RAP1GAP2: variants seen among roughly 807,000 people sequenced by gnomAD.
RAP1GAP2 encodes the protein rap1 GTPase-activating protein 2.
RAP1GAP2 carries 27 observed loss-of-function variants against 95.0 expected under a neutral mutation model. The observed-to-expected ratio is 0.28, with a 90% CI of 0.21 to 0.39. The LOEUF is 0.39. Among genes scored for constraint, RAP1GAP2 ranks in the 10% least tolerant of loss-of-function variants. RAP1GAP2 has a pLI of 1.00. For missense variants in RAP1GAP2, 771 were observed against 970.0 expected (o/e 0.79, Z 2.72); for synonymous variants, 373 against 380.9 (o/e 0.98, Z 0.24).
rs912727486 is a variant in RAP1GAP2 at position 2,919,576 on chromosome 17, T to C, written c.165+14208T>C. Among the ~76,000 whole-genome samples, 8 of 140,140 alleles carry C rather than the reference T, an allele frequency of 5.7e-5. No individual in the cohort carries two copies. In the South Asian group the frequency reaches 1.6e-3, roughly 27 times the overall value. 91.9% of individuals were successfully genotyped at this position (140,140 alleles called of 152,430 possible). On this transcript the variant is annotated intron_variant, in intron 3 of 24. Transcript: ENST00000254695. ...AAGTGGGGGCAGGGCCTAAAAGCCATGGGGGGCCAGGCGGGGGAGCAGCTG... is the reference window on the plus strand; with the variant it reads ...AAGTGGGGGCAGGGCCTAAAAGCCACGGGGGGCCAGGCGGGGGAGCAGCTG...
chr17:2,872,625 A>C (rs904048096), intron 2 of RAP1GAP2, among the ~76,000 whole-genome samples: 1 of 151,694 alleles, frequency 6.6e-6, no homozygotes, highest in Non-Finnish European at 1.5e-5. Flanking sequence ...TCCTTTTGTT[A>C]GGGTTTGATG....
In RAP1GAP2 at chr17:2,797,914, G is replaced by A. The variant is rs565900601; in HGVS notation, c.44+1343G>A. 8.5e-6 allele frequency: 4 copies of A among 469,128 alleles called. No individual in the cohort carries two copies. The highest frequency in any genetic ancestry group is 8.5e-5 in the African/African-American group (4 of 47,260). 29.1% of individuals were successfully genotyped at this position (469,128 alleles called of 1,614,324 possible). ...TGCCCTCCAAGGCCCGCCTTTCTCTGGGAGGTGTGGAGCAGATGGAAGGCT... is the reference window on the plus strand; with the variant it reads ...TGCCCTCCAAGGCCCGCCTTTCTCTAGGAGGTGTGGAGCAGATGGAAGGCT... On this transcript the variant is annotated intron_variant, in intron 1 of 24. Coordinates refer to ENST00000254695, the MANE Select transcript of RAP1GAP2 (RefSeq NM_015085.5). The surrounding 1 kb of genome is among the most constrained non-coding windows in gnomAD (Gnocchi z 5.6).
At chr17:2,772,146 C>T (rs535999707), upstream of RAP1GAP2, among the ~76,000 whole-genome samples, 5 of 152,156 alleles carry the variant, frequency 3.3e-5, no homozygotes, top group South Asian at 6.2e-4. Flanking sequence ...TGTGGCACCA[C>T]GCCCAGCTAA....
At chr17:2,990,871 G>T (rs1280652609) in intron 11 of RAP1GAP2, among the ~76,000 whole-genome samples, 2 of 143,968 alleles carry the variant, frequency 1.4e-5, no homozygotes, top group Admixed American at 7.0e-5. Context: ...TTGAGACGGG[G>T]TCTCACTCTG....
chr17:2,912,343 G>A (rs781547045), intron 3 of RAP1GAP2, among the ~76,000 whole-genome samples: 6 of 152,120 alleles, frequency 3.9e-5, no homozygotes, highest in Admixed American at 6.5e-5. Flanking sequence ...CACAGCCCCC[G>A]GCCTGATTTC....
At chr17:2,915,477 C>T (rs772211428) in intron 3 of RAP1GAP2, among the ~76,000 whole-genome samples, 14 of 152,318 alleles carry the variant, frequency 9.2e-5, no homozygotes, top group African/African-American at 3.1e-4. Flanking sequence ...TCAAGCGATC[C>T]GCCCACCTTG....
chr17:2,797,587 C>T lies in RAP1GAP2; in HGVS notation c.44+1016C>T, dbSNP rs749709714. On this transcript the variant is annotated intron_variant, in intron 1 of 24. Transcript: ENST00000254695. The surrounding 1 kb of genome is among the most constrained non-coding windows in gnomAD (Gnocchi z 5.6). The stretch of plus-strand genomic sequence containing the variant: ...GGGGCTGTGTTCCTCGGTAATTTTT[C>T]GCTTCCGTGTGTGTGGCTTATTTCC... The T allele has an allele frequency of 3.4e-5, 19 of 565,642 alleles. No individual in the cohort carries two copies. Among genetic ancestry groups the T allele is most frequent in the East Asian group, 1.4e-4 (1 of 6,908 alleles). 35.0% of individuals were successfully genotyped at this position (565,642 alleles called of 1,614,324 possible).
intron 2 of RAP1GAP2, among the ~76,000 whole-genome samples, chr17:2,804,505 G>A (rs1456266293): frequency 1.3e-5 from 2 of 152,144 alleles, no homozygotes; most frequent in African/African-American, 4.8e-5. Context: ...TCTCACACCT[G>A]CCTCCCGCCC....
rs892029798 is a variant in RAP1GAP2 at position 3,034,405 on chromosome 17, G to T, written c.*1044G>T. ...CCCACTTACTCGAGGAGAGAGGTGA[G>T]GGGGGGATGACTTGCGGGTTCTGAT... On this transcript the variant is annotated 3_prime_UTR_variant, in exon 25 of 25. Transcript: ENST00000254695. The surrounding 1 kb of genome is among the most constrained non-coding windows in gnomAD (Gnocchi z 5.1). 3.0e-5 allele frequency: 7 copies of T among 230,720 alleles called. No homozygotes were observed. Among genetic ancestry groups the T allele is most frequent in the Admixed American group, 3.0e-4 (5 of 16,622 alleles). 14.3% of individuals were successfully genotyped at this position (230,720 alleles called of 1,614,324 possible).
chr17:2,786,640 AT>A (rs35938193), intron 1 of RAP1GAP2, among the ~76,000 whole-genome samples: 45,705 of 144,632 alleles, frequency 0.32, 7,056 homozygotes, highest in East Asian at 0.48. Context: ...TTTTTCTTCA[AT>A]TTTTTTTTTT....
chr17:2,861,434 G>C (rs986530604), intron 2 of RAP1GAP2, among the ~76,000 whole-genome samples: 2 of 151,092 alleles, frequency 1.3e-5, no homozygotes, highest in African/African-American at 2.4e-5. Flanking sequence ...AGGCCTCCTG[G>C]CTCCCCTAAG....
chr17:2,854,415 C>A (rs2072039555), intron 2 of RAP1GAP2, among the ~76,000 whole-genome samples: 1 of 152,224 alleles, frequency 6.6e-6, no homozygotes, highest in South Asian at 2.1e-4. Context: ...AGCCTGCAGC[C>A]GCGGATGCCA....
chr17:2,877,005 C>T (rs540418046), intron 2 of RAP1GAP2, among the ~76,000 whole-genome samples: 2 of 151,610 alleles, frequency 1.3e-5, no homozygotes, highest in Admixed American at 6.6e-5. Context: ...TCTCCTGCCT[C>T]AGCCTCCCGA....
rs921118160 is a variant in RAP1GAP2 at position 2,866,142 on chromosome 17, G to A, written c.81-39142G>A. 6.6e-6 allele frequency among the ~76,000 whole-genome samples: 1 copy of A among 152,222 alleles called. No individual in the cohort carries two copies. The highest frequency in any genetic ancestry group is 1.5e-5 in the Non-Finnish European group (1 of 68,040). ...GTTGGTGGCATTTGAAGTGGGCCTC[G>A]GGGACTGGACAGGATGTCTGAAGGG... On this transcript the variant is annotated intron_variant, in intron 2 of 24. Transcript: ENST00000254695. This position sits in a 1 kb window ranked among gnomAD's most constrained non-coding sequence, Gnocchi z 4.0.
At chr17:3,010,843 T>TA (rs2046510057) in intron 17 of RAP1GAP2, among the ~76,000 whole-genome samples, 10 of 152,172 alleles carry the variant, frequency 6.6e-5, no homozygotes, top group African/African-American at 2.4e-4. Flanking sequence ...GGTAGCACCG[T>TA]GGGGCGTGGG....
Position 2,867,237 on chromosome 17 carries a change from T to C in RAP1GAP2, c.81-38047T>C, listed in dbSNP as rs181095176. The stretch of plus-strand genomic sequence containing the variant: ...TTTAGCTGATTTAGTCAAGAAACTT[T>C]TGGTTTGAAGTGGCAAGCCCCAATT... On this transcript the variant is annotated intron_variant, in intron 2 of 24. Transcript: ENST00000254695. This position sits in a 1 kb window ranked among gnomAD's most constrained non-coding sequence, Gnocchi z 4.5. Among the ~76,000 whole-genome samples the C allele has an allele frequency of 5.3e-5, 8 of 152,306 alleles. No individual in the cohort carries two copies. The highest frequency in any genetic ancestry group is 3.9e-4 in the Admixed American group (6 of 15,292).
chr17:2,872,061 A>T (rs931104879), intron 2 of RAP1GAP2, among the ~76,000 whole-genome samples: 8 of 151,912 alleles, frequency 5.3e-5, no homozygotes, highest in Non-Finnish European at 1.5e-5. Context: ...TAAAAATACA[A>T]AAATTAGCTG....
chr17:2,879,820 C>T (rs2073224983), intron 2 of RAP1GAP2, among the ~76,000 whole-genome samples: 1 of 152,050 alleles, frequency 6.6e-6, no homozygotes, highest in Non-Finnish European at 1.5e-5. Context: ...ACTGATGTCT[C>T]CTGCTCGTCT....
intron 4 of RAP1GAP2, among the ~76,000 whole-genome samples, chr17:2,959,609 G>A (rs921951252): frequency 1.3e-5 from 2 of 152,182 alleles, no homozygotes; most frequent in Non-Finnish European, 2.9e-5. Context: ...GCAGTGAAGC[G>A]CCCGGGTCAC....
Sources: allele counts gnomAD v4.1 joint callset (sites outside exome capture counted in the v4.1 genomes callset), GRCh38; gene constraint gnomAD v4.1.1; non-coding constraint Gnocchi (gnomAD v3.1); transcripts MANE v1.5; gene names NCBI Gene and HGNC (gene_info 2026-07-23, HGNC 2026-07-21).